STRN: variants seen among roughly 807,000 people sequenced by gnomAD.
STRN encodes striatin.
Under a neutral mutation model 96.3 loss-of-function variants are expected in STRN, and 53 were observed. That is an observed-to-expected ratio of 0.55 (90% confidence interval 0.44 to 0.69). The LOEUF (loss-of-function observed/expected upper bound fraction) is 0.69, where lower values mean the gene tolerates loss of function less well. Among genes scored for constraint, STRN ranks in the 30% least tolerant of loss-of-function variants. The pLI is 0.00. For missense variants in STRN, 987 were observed against 963.9 expected, an observed-to-expected ratio of 1.02 and a Z score of -0.32; for synonymous variants, 428 against 355.9, an observed-to-expected ratio of 1.20 and a Z score of -2.28.
At chr2:36,854,441 A>T (rs1043760804) in intron 15 of STRN, among the ~76,000 whole-genome samples, 1 of 152,164 alleles carries the variant, frequency 6.6e-6, no homozygotes, top group Admixed American at 6.5e-5. Context: ...ACAGGTTAGG[A>T]AGGGAAAATG....
At chr2:36,884,843 G>A (rs1669177838) in intron 8 of STRN, among the ~76,000 whole-genome samples, 1 of 151,726 alleles carries the variant, frequency 6.6e-6, no homozygotes, top group African/African-American at 2.4e-5. Context: ...AAAATTTATG[G>A]TGGTTTATAA....
intron 1 of STRN, among the ~76,000 whole-genome samples, chr2:36,939,824 C>CA (rs1670801964): frequency 6.6e-6 from 1 of 152,074 alleles, no homozygotes; most frequent in Admixed American, 6.6e-5. Flanking sequence ...AATAGTGTAA[C>CA]AACTAAAAGT....
At position 36,855,250 on chromosome 2, in the gene STRN, T is replaced by C. The variant is rs747210275; in HGVS notation, c.1940A>G (p.Gln647Arg). The part of the protein sequence containing the change: ...GYTSIFNMET[Q>R]QRILTLESNV... ...GGATTCTAAAGTGAGAATGCGTTGTTGTGTTTCCATGTTAAAAATGCTTGT... is the reference window on the plus strand; with the variant it reads ...GGATTCTAAAGTGAGAATGCGTTGTCGTGTTTCCATGTTAAAAATGCTTGT... The change falls in exon 15 of 18, where the codon CAA (glutamine) becomes CGA (arginine). Residue 647 changes from glutamine (Q) to arginine (R), a missense_variant. Coordinates refer to ENST00000263918, the MANE Select transcript of STRN (RefSeq NM_003162.4). 4 of 1,613,914 alleles carry C rather than the reference T, an allele frequency of 2.5e-6. No homozygotes were observed. The Admixed American group carries it at 6.7e-5, about 27-fold the overall frequency.
At position 36,845,910 on chromosome 2, in the gene STRN, T is replaced by TGCATGCACACACACACACACACACACAC. The variant is rs1558617191; in HGVS notation, c.*3518_*3545dup. The stretch of plus-strand genomic sequence containing the variant: ...ACACACACACACACACACACACGCA[T>TGCATGCACACACACACACACACACACAC]GCATGCACACACACACACACACACA... On this transcript the variant is annotated 3_prime_UTR_variant, in exon 18 of 18. Coordinates refer to ENST00000263918, the MANE Select transcript of STRN (RefSeq NM_003162.4). 39 of 26,618 alleles carry TGCATGCACACACACACACACACACACAC rather than the reference T, an allele frequency of 1.5e-3. No individual in the cohort carries two copies. The highest frequency in any genetic ancestry group is 3.8e-3 in the African/African-American group (34 of 9,048). 1.6% of individuals were successfully genotyped at this position (26,618 alleles called of 1,614,324 possible).
At position 36,960,025 on chromosome 2, in the gene STRN, A is replaced by C. The variant is rs188540418; in HGVS notation, c.234+6205T>G. On this transcript the variant is annotated intron_variant, in intron 1 of 17. Transcript: ENST00000263918. ...GCCTCTATAACCTTTCTAAAATATA[A>C]AGATTATGAAATTATCAAGAATATG... Among the ~76,000 whole-genome samples, 274 of 152,354 alleles carry C rather than the reference A, an allele frequency of 1.8e-3. 2 individuals are homozygous for C. The highest frequency in any genetic ancestry group is 6.5e-3 in the African/African-American group (270 of 41,580).
At position 36,940,120 on chromosome 2, in the gene STRN, G is replaced by A. The variant is rs554224656; in HGVS notation, c.235-14912C>T. Reference sequence around the variant, plus strand: ...TACTTTTTACATTCTTGTAGAAATAGTATAACCCTTTCTGATTACTGAAGA... The same window carrying A: ...TACTTTTTACATTCTTGTAGAAATAATATAACCCTTTCTGATTACTGAAGA... On this transcript the variant is annotated intron_variant, in intron 1 of 17. Transcript: ENST00000263918. Among the ~76,000 whole-genome samples, 13 of 152,258 alleles carry A rather than the reference G, an allele frequency of 8.5e-5. No homozygotes were observed. The South Asian group carries it at 2.5e-3, about 29-fold the overall frequency.
At chr2:36,898,221 AAAT>A (rs1338819920) in intron 6 of STRN, among the ~76,000 whole-genome samples, 1 of 152,236 alleles carries the variant, frequency 6.6e-6, no homozygotes, top group Non-Finnish European at 1.5e-5. Flanking sequence ...TTTGATGGAA[AAAT>A]AATATCTCAA....
At chr2:36,869,202 T>C (rs926375482) in intron 11 of STRN, among the ~76,000 whole-genome samples, 1 of 152,186 alleles carries the variant, frequency 6.6e-6, no homozygotes, top group African/African-American at 2.4e-5. Context: ...AGGTGGACAT[T>C]TGATTATTTT....
In STRN at chr2:36,840,046, C is replaced by A. The variant is rs1407705699; in HGVS notation, c.*9410G>T. The A allele has an allele frequency of 1.3e-5, 2 of 152,280 alleles. No individual in the cohort carries two copies. The highest frequency in any genetic ancestry group is 2.9e-5 in the Non-Finnish European group (2 of 68,036). 9.4% of individuals were successfully genotyped at this position (152,280 alleles called of 1,614,324 possible). A position where few individuals can be genotyped will look rare whatever the true frequency, so the allele number is the denominator to read the frequency against. On this transcript the variant is annotated 3_prime_UTR_variant, in exon 18 of 18. Transcript: ENST00000263918. ...TGAGAGCATCCTGAGGAACTTTGTCCCAGAATTTTCCTCTCCAAAGAAAGC... is the reference window on the plus strand; with the variant it reads ...TGAGAGCATCCTGAGGAACTTTGTCACAGAATTTTCCTCTCCAAAGAAAGC...
chr2:36,848,671 T>C lies in STRN; in HGVS notation c.*785A>G, dbSNP rs1668141934. The C allele has an allele frequency of 6.6e-6, 1 of 152,168 alleles. No homozygotes were observed. Among genetic ancestry groups the C allele is most frequent in the Non-Finnish European group, 1.5e-5 (1 of 68,022 alleles). The allele number at this position is 152,168 out of a possible 1,614,324, so 9.4% of individuals were successfully genotyped here. A position where few individuals can be genotyped will look rare whatever the true frequency, so the allele number is the denominator to read the frequency against. On this transcript the variant is annotated 3_prime_UTR_variant, in exon 18 of 18. Coordinates refer to ENST00000263918, the MANE Select transcript of STRN (RefSeq NM_003162.4). ...TGTTTACCCTTAAAAATAAACAGAATTTCAAACCTGAATAAGTTAAATCTG... is the reference window on the plus strand; with the variant it reads ...TGTTTACCCTTAAAAATAAACAGAACTTCAAACCTGAATAAGTTAAATCTG...
At chr2:36,947,064 T>A (rs1664593436) in intron 1 of STRN, among the ~76,000 whole-genome samples, 1 of 151,948 alleles carries the variant, frequency 6.6e-6, no homozygotes. Context: ...CCTGGCTAAT[T>A]TTTTTGTATT....
chr2:36,966,131 G>C (rs1665153831), intron 1 of STRN, 99 bp downstream of exon 1: 2 of 1,317,144 alleles, frequency 1.5e-6, no homozygotes, highest in Non-Finnish European at 2.0e-6. Context: ...AAAGGGGGAG[G>C]GGACGCGAGA....
intron 1 of STRN, among the ~76,000 whole-genome samples, chr2:36,956,293 T>C (rs1168211647): frequency 6.6e-6 from 1 of 152,120 alleles, no homozygotes; most frequent in Non-Finnish European, 1.5e-5. Flanking sequence ...ATTTTGCATA[T>C]TTATCTTTTT....
intron 1 of STRN, among the ~76,000 whole-genome samples, chr2:36,939,182 C>A (rs1054699521): frequency 1.3e-5 from 2 of 152,076 alleles, no homozygotes; most frequent in South Asian, 2.1e-4. Flanking sequence ...CCGCCCGCCT[C>A]GGCCTCCCAA....
intron 1 of STRN, among the ~76,000 whole-genome samples, chr2:36,939,289 G>A (rs1050822216): frequency 1.3e-5 from 2 of 151,944 alleles, no homozygotes; most frequent in Admixed American, 6.6e-5. Flanking sequence ...TTCTTTTTCC[G>A]AAGCCACTCA....
Position 36,898,546 on chromosome 2 carries a change from G to C in STRN, c.795+977C>G, listed in dbSNP as rs1028307853. Among the ~76,000 whole-genome samples the C allele has an allele frequency of 2.0e-5, 3 of 152,306 alleles. No homozygotes were observed. The East Asian group carries it at 5.8e-4, about 29-fold the overall frequency. On this transcript the variant is annotated intron_variant, in intron 6 of 17. Transcript: ENST00000263918. Reference sequence around the variant, plus strand: ...AACACACAGAGGTTACACTTAGAAAGCACTTTATAGTTAAACAGATCATTT... The same window carrying C: ...AACACACAGAGGTTACACTTAGAAACCACTTTATAGTTAAACAGATCATTT...
intron 12 of STRN, among the ~76,000 whole-genome samples, chr2:36,861,977 A>C (rs953568990): frequency 6.6e-6 from 1 of 152,002 alleles, no homozygotes; most frequent in African/African-American, 2.4e-5. Flanking sequence ...TCTTCTGTCC[A>C]TGTATACTCA....
intron 1 of STRN, among the ~76,000 whole-genome samples, chr2:36,963,596 T>C (rs2148284796): frequency 6.6e-6 from 1 of 152,220 alleles, no homozygotes. Context: ...GTTAGGAAAA[T>C]GACACATTTT....
intron 16 of STRN, among the ~76,000 whole-genome samples, chr2:36,850,509 C>G (rs1157548899): frequency 1.3e-5 from 2 of 152,074 alleles, no homozygotes; most frequent in Non-Finnish European, 2.9e-5. Context: ...TATGGAAAAA[C>G]GAATACAATG....
Sources: allele counts gnomAD v4.1 joint callset (sites outside exome capture counted in the v4.1 genomes callset), GRCh38; gene constraint gnomAD v4.1.1; transcripts MANE v1.5; gene names NCBI Gene and HGNC (gene_info 2026-07-23, HGNC 2026-07-21).